TMEM74: variants seen among roughly 807,000 people sequenced by gnomAD.
TMEM74 encodes transmembrane protein 74.
Under a neutral mutation model 18.1 loss-of-function variants are expected in TMEM74, and 13 were observed. The observed-to-expected ratio is 0.72, with a 90% CI of 0.47 to 1.14. TMEM74 has a LOEUF of 1.14. Among genes scored for constraint, TMEM74 ranks in the 50% most tolerant of loss-of-function variants. TMEM74 has a pLI of 0.00. For missense variants in TMEM74, 372 were observed against 375.9 expected (o/e 0.99, Z 0.09); for synonymous variants, 159 against 146.6 (o/e 1.08, Z -0.61).
At chr8:108,707,227 C>T (rs888968065) in intron 1 of TMEM74, among the ~76,000 whole-genome samples, 2 of 151,682 alleles carry the variant, frequency 1.3e-5, no homozygotes, top group African/African-American at 4.8e-5. Flanking sequence ...GGAAAAATAC[C>T]TAATGTAAAT....
intron 2 of TMEM74, among the ~76,000 whole-genome samples, chr8:108,610,815 T>C (rs1208381049): frequency 6.6e-6 from 1 of 152,162 alleles, no homozygotes; most frequent in Admixed American, 6.5e-5. Context: ...CTGAATAAGT[T>C]GTATGAGAGG....
At chr8:108,677,657 T>C (rs1337216755) in intron 1 of TMEM74, among the ~76,000 whole-genome samples, 4 of 152,122 alleles carry the variant, frequency 2.6e-5, no homozygotes, top group African/African-American at 7.2e-5. Flanking sequence ...ACTCCAGCTA[T>C]GTTTCCACCA....
At chr8:108,611,856 G>A (rs1214406270) in intron 2 of TMEM74, among the ~76,000 whole-genome samples, 1 of 152,126 alleles carries the variant, frequency 6.6e-6, no homozygotes, top group Non-Finnish European at 1.5e-5. Context: ...AAATACCAAC[G>A]ACTGGGTAAT....
intron 1 of TMEM74, among the ~76,000 whole-genome samples, chr8:108,662,138 G>C (rs1199428626): frequency 1.3e-5 from 2 of 152,106 alleles, no homozygotes; most frequent in Non-Finnish European, 2.9e-5. Flanking sequence ...TTGGGAGATA[G>C]AGCCTTCCAC....
At chr8:108,745,653 C>T (rs1813841715) in intron 1 of TMEM74, among the ~76,000 whole-genome samples, 1 of 152,014 alleles carries the variant, frequency 6.6e-6, no homozygotes, top group South Asian at 2.1e-4. Flanking sequence ...CATTTTAATT[C>T]CATATTGACA....
intron 1 of TMEM74, among the ~76,000 whole-genome samples, chr8:108,665,754 T>C (rs1469275585): frequency 3.3e-5 from 5 of 152,106 alleles, no homozygotes; most frequent in Non-Finnish European, 5.9e-5. Context: ...TACTTCTTTA[T>C]TGAATAGATA....
chr8:108,688,285 CA>C (rs1813191980), intron 1 of TMEM74, among the ~76,000 whole-genome samples: 1 of 152,236 alleles, frequency 6.6e-6, no homozygotes, highest in African/African-American at 2.4e-5. Context: ...AGAAAATCCA[CA>C]TTTAATATCC....
intron 2 of TMEM74, among the ~76,000 whole-genome samples, chr8:108,620,128 A>G (rs1812424958): frequency 2.6e-5 from 4 of 152,154 alleles, no homozygotes; most frequent in South Asian, 4.1e-4. Context: ...GACTTTCCAT[A>G]TATCTGGCCA....
chr8:108,778,468 G>C (rs1043970673), downstream of TMEM74, among the ~76,000 whole-genome samples: 2 of 152,190 alleles, frequency 1.3e-5, no homozygotes, highest in African/African-American at 4.8e-5. Flanking sequence ...CGAATGATCA[G>C]AGGTGGTTAA....
chr8:108,644,013 A>G (rs1236413716), intron 2 of TMEM74, among the ~76,000 whole-genome samples: 1 of 152,168 alleles, frequency 6.6e-6, no homozygotes, highest in African/African-American at 2.4e-5. Context: ...TAAAGTTCAG[A>G]TAGAACCAAA....
chr8:108,718,994 G>GTATA (rs1250761742), intron 1 of TMEM74, among the ~76,000 whole-genome samples: 1 of 151,064 alleles, frequency 6.6e-6, no homozygotes, highest in Non-Finnish European at 1.5e-5. Context: ...GTATATATAC[G>GTATA]TATATATACA....
intron 2 of TMEM74, among the ~76,000 whole-genome samples, chr8:108,629,190 C>A (rs1812526030): frequency 6.6e-6 from 1 of 151,814 alleles, no homozygotes; most frequent in Non-Finnish European, 1.5e-5. Flanking sequence ...AAAGCATACA[C>A]AAGTATCAAT....
chr8:108,705,876 C>T (rs1330546776), intron 1 of TMEM74, among the ~76,000 whole-genome samples: 1 of 152,194 alleles, frequency 6.6e-6, no homozygotes, highest in African/African-American at 2.4e-5. Flanking sequence ...AATTAGACAC[C>T]TGCTGCAAAT....
intron 1 of TMEM74, among the ~76,000 whole-genome samples, chr8:108,717,844 G>A (rs1176296579): frequency 1.3e-5 from 2 of 151,200 alleles, no homozygotes; most frequent in Admixed American, 1.3e-4. Flanking sequence ...TGGTGAACTG[G>A]TTGTATAAGA....
chr8:108,743,706 C>A (rs997174501), intron 1 of TMEM74, among the ~76,000 whole-genome samples: 11 of 152,108 alleles, frequency 7.2e-5, no homozygotes, highest in African/African-American at 2.7e-4. Context: ...AGAATTTTGT[C>A]TAACTGGTGA....
intron 1 of TMEM74, among the ~76,000 whole-genome samples, chr8:108,703,012 G>A (rs1225993801): frequency 6.6e-6 from 1 of 152,082 alleles, no homozygotes; most frequent in Non-Finnish European, 1.5e-5. Context: ...GTCATGGAGA[G>A]TTGATTCTAG....
intron 2 of TMEM74, among the ~76,000 whole-genome samples, chr8:108,618,870 C>A (rs944636328): frequency 3.9e-4 from 60 of 152,234 alleles, no homozygotes; most frequent in African/African-American, 1.4e-3. Flanking sequence ...ATGTGACCCA[C>A]AAGAGTGAAC....
chr8:108,751,035 G>A (rs1813899476), intron 1 of TMEM74, among the ~76,000 whole-genome samples: 1 of 152,086 alleles, frequency 6.6e-6, no homozygotes, highest in Non-Finnish European at 1.5e-5. Flanking sequence ...CTACCGACCC[G>A]TATGGATTCA....
At chr8:108,714,879 C>T (rs772993899) in intron 1 of TMEM74, among the ~76,000 whole-genome samples, 6 of 152,186 alleles carry the variant, frequency 3.9e-5, no homozygotes, top group African/African-American at 7.2e-5. Context: ...TTTGCAGCAA[C>T]GTGGATGGAG....
Sources: gnomAD v4.1 joint callset for allele counts (sites outside exome capture counted in the v4.1 genomes callset) on GRCh38, gnomAD v4.1.1 for gene constraint, MANE v1.5 for transcripts, NCBI Gene and HGNC (gene_info 2026-07-23, HGNC 2026-07-21) for gene names.